The following ARMC8 variants were observed in gnomAD, a reference collection of about 807,000 sequenced individuals.
ARMC8 encodes the protein armadillo repeat containing 8.
A neutral mutation model predicts 99.3 loss-of-function variants in ARMC8; 20 were observed. The observed-to-expected ratio is 0.20, with a 90% CI of 0.14 to 0.29. The LOEUF is 0.29. ARMC8 is among the 10% of genes least tolerant of loss of function. The probability of loss-of-function intolerance (pLI) is 1.00; values close to 1 mark genes in which losing one functional copy is unlikely to be tolerated. For missense variants in ARMC8, 569 were observed against 809.5 expected (o/e 0.70, Z 3.60); for synonymous variants, 263 against 278.3 (o/e 0.95, Z 0.55).
intron 1 of ARMC8, among the ~76,000 whole-genome samples, chr3:138,200,466 A>G (rs1338916204): frequency 1.3e-5 from 2 of 152,206 alleles, no homozygotes; most frequent in South Asian, 2.1e-4. Context: ...TTGTGTTTCT[A>G]TGTAAAATGG....
In ARMC8 at chr3:138,229,160, A is replaced by ATG. The variant is rs1186374905; in HGVS notation, c.528+151_528+152insGT. On this transcript the variant is annotated intron_variant, in intron 6 of 21. Coordinates refer to ENST00000469044, the MANE Select transcript of ARMC8 (RefSeq NM_001363941.2). The stretch of plus-strand genomic sequence containing the variant: ...TATATATATATATATATATATATAT[A>ATG]TATATATATATATATATATATATGT... 1.5e-3 allele frequency: 107 copies of ATG among 70,918 alleles called. 3 individuals carry two copies. Among genetic ancestry groups the ATG allele is most frequent in the African/African-American group, 5.8e-3 (94 of 16,302 alleles). 4.4% of individuals were successfully genotyped at this position (70,918 alleles called of 1,614,324 possible).
intron 5 of ARMC8, among the ~76,000 whole-genome samples, chr3:138,224,078 C>A (rs926377255): frequency 6.6e-6 from 1 of 151,324 alleles, no homozygotes; most frequent in Non-Finnish European, 1.5e-5. Flanking sequence ...TCTGCCTCAG[C>A]GTCTGGAGTA....
intron 12 of ARMC8, among the ~76,000 whole-genome samples, chr3:138,247,999 T>C (rs1044520679): frequency 3.9e-5 from 6 of 152,250 alleles, no homozygotes; most frequent in Non-Finnish European, 5.9e-5. Context: ...TTATCCTGCA[T>C]GGAGCAAAAT....
intron 5 of ARMC8, 56 bp downstream of exon 5, chr3:138,223,789 A>T (rs1252825545): frequency 6.9e-7 from 1 of 1,445,662 alleles, no homozygotes; most frequent in Non-Finnish European, 9.7e-7. Flanking sequence ...GCCTACTCCT[A>T]ATTTGCTTAG....
Position 138,289,058 on chromosome 3 carries a change from A to AT in ARMC8, c.1833dup (p.Val612CysfsTer2). On this transcript the variant is annotated frameshift_variant, in exon 20 of 22. Coordinates refer to ENST00000469044, the MANE Select transcript of ARMC8 (RefSeq NM_001363941.2). LOFTEE classifies it high-confidence loss of function. Reference sequence around the variant, plus strand: ...TTTCTGTATTAATAGGGCCATTCACATGTTAAACTGCAGCTTGCAGCCATG... The same window carrying AT: ...TTTCTGTATTAATAGGGCCATTCACATTGTTAAACTGCAGCTTGCAGCCATG... 1 of 1,612,862 alleles carries AT rather than the reference A, an allele frequency of 6.2e-7. No individual in the cohort carries two copies. Among genetic ancestry groups the AT allele is most frequent in the Non-Finnish European group, 8.5e-7 (1 of 1,179,246 alleles).
intron 19 of ARMC8, 75 bp from the exon 20 acceptor site, chr3:138,288,973 G>C (rs1231833450): frequency 8.1e-7 from 1 of 1,233,872 alleles, no homozygotes; most frequent in Admixed American, 2.0e-5. Context: ...ATTGGCTATG[G>C]TAGGTCCCCC....
At position 138,223,404 on chromosome 3, in the gene ARMC8, T is replaced by C; in HGVS notation, c.210T>C (p.Leu70=). 1 of 1,614,078 alleles carries C rather than the reference T, an allele frequency of 6.2e-7. No individual in the cohort carries two copies. Among genetic ancestry groups the C allele is most frequent in the South Asian group, 1.1e-5 (1 of 91,056 alleles). ...LGAVPRLLYL[L]QQETSSTELK... is the part of the protein sequence containing the mutation. ...TTCTTTTTAGATTGTTGTACTTGCTTCAGCAAGAAACCTCAAGCACAGAGC... is the reference window on the plus strand; with the variant it reads ...TTCTTTTTAGATTGTTGTACTTGCTCCAGCAAGAAACCTCAAGCACAGAGC... The change falls in exon 4 of 22, where the codon CTT becomes CTC. Residue 70 remains leucine (L), a synonymous_variant. Coordinates refer to ENST00000469044, the MANE Select transcript of ARMC8 (RefSeq NM_001363941.2).
At chr3:138,196,240 G>A (rs1298727278) in intron 1 of ARMC8, among the ~76,000 whole-genome samples, 1 of 152,150 alleles carries the variant, frequency 6.6e-6, no homozygotes, top group East Asian at 1.9e-4. Context: ...TTTTTGGCCA[G>A]GTGGTATCAT....
intron 12 of ARMC8, chr3:138,245,692 T>A: frequency 1.0e-6 from 1 of 993,242 alleles, no homozygotes; most frequent in Non-Finnish European, 1.2e-6. Flanking sequence ...GATTTTATGT[T>A]TAGTGAGTGG....
chr3:138,273,189 T>C (rs1389640273), intron 17 of ARMC8, 73 bp downstream of exon 17: 1 of 1,434,558 alleles, frequency 7.0e-7, no homozygotes, highest in African/African-American at 1.4e-5. Context: ...TCTCTCTCTG[T>C]GCTCTCATTA....
intron 5 of ARMC8, among the ~76,000 whole-genome samples, chr3:138,228,501 A>G (rs1203089513): frequency 1.3e-5 from 2 of 152,218 alleles, no homozygotes; most frequent in East Asian, 1.9e-4. Flanking sequence ...ACTGGTGCTT[A>G]ACATCTCGGA....
At chr3:138,215,941 A>T (rs572770333) in intron 2 of ARMC8, among the ~76,000 whole-genome samples, 2 of 151,286 alleles carry the variant, frequency 1.3e-5, no homozygotes, top group South Asian at 4.2e-4. Flanking sequence ...GCTCACTGCA[A>T]CCTCCGCCTC....
At chr3:138,233,490 A>G (rs1316069257) in intron 6 of ARMC8, among the ~76,000 whole-genome samples, 2 of 152,228 alleles carry the variant, frequency 1.3e-5, no homozygotes, top group Non-Finnish European at 2.9e-5. Context: ...TTGTATGAGC[A>G]AACTATGGAG....
chr3:138,252,523 G>A (rs896889022), intron 12 of ARMC8, among the ~76,000 whole-genome samples: 4 of 147,568 alleles, frequency 2.7e-5, no homozygotes, highest in East Asian at 2.0e-4. Flanking sequence ...GCACGATCTC[G>A]GCTCACTGCA....
At chr3:138,253,304 G>C (rs952223604) in intron 12 of ARMC8, among the ~76,000 whole-genome samples, 2 of 152,122 alleles carry the variant, frequency 1.3e-5, no homozygotes, top group African/African-American at 4.8e-5. Flanking sequence ...CCTGTGCTAA[G>C]CATTAGCACA....
chr3:138,203,112 T>C (rs916708384), intron 1 of ARMC8, among the ~76,000 whole-genome samples: 2 of 152,218 alleles, frequency 1.3e-5, no homozygotes, highest in Non-Finnish European at 2.9e-5. Flanking sequence ...GCTTTTCTTT[T>C]GCACTATTAA....
rs976208267 is a variant in ARMC8, at chr3:138,293,900, A to G, written c.1989-1959A>G. 5.3e-5 allele frequency among the ~76,000 whole-genome samples: 8 copies of G among 152,210 alleles called. No homozygotes were observed. The South Asian group carries it at 8.3e-4, about 16-fold the overall frequency. ...TAGACCACTCTGGTGCTGTTTTCAC[A>G]TAAGTTTTTAGCTCTTCTTAAACGT... is the stretch of plus-strand genomic sequence containing the variant. On this transcript the variant is annotated intron_variant, in intron 21 of 21. Coordinates refer to ENST00000469044, the MANE Select transcript of ARMC8 (RefSeq NM_001363941.2).
At chr3:138,292,694 C>T (rs901702110) in intron 21 of ARMC8, among the ~76,000 whole-genome samples, 2 of 152,022 alleles carry the variant, frequency 1.3e-5, no homozygotes, top group African/African-American at 4.8e-5. Context: ...GGTATGCCAG[C>T]GTTAAGATGC....
chr3:138,192,135 G>C (rs1392401484), intron 1 of ARMC8, among the ~76,000 whole-genome samples: 2 of 152,030 alleles, frequency 1.3e-5, no homozygotes, highest in African/African-American at 2.4e-5. Flanking sequence ...TTGTTTCTCT[G>C]TATCCTCACT....
Sources: gnomAD v4.1 joint callset for allele counts (sites outside exome capture counted in the v4.1 genomes callset) on GRCh38, gnomAD v4.1.1 for gene constraint, MANE v1.5 for transcripts, NCBI Gene and HGNC (gene_info 2026-07-23, HGNC 2026-07-21) for gene names.